Variants in PNPLA6 observed in about 807,000 individuals in gnomAD.
PNPLA6 encodes the protein patatin like domain 6, lysophospholipase.
In PNPLA6, 105 loss-of-function variants were observed where a neutral mutation model predicts 153.7. That is an observed-to-expected ratio of 0.68 (90% confidence interval 0.58 to 0.80). The LOEUF is 0.80. Ranked by LOEUF, PNPLA6 falls within the 30% of genes least tolerant of loss-of-function variation. PNPLA6 has a pLI of 0.00. For synonymous variants in PNPLA6, 825 were observed against 822.2 expected, an observed-to-expected ratio of 1.00 and a Z score of -0.06; for missense variants, 1,423 against 1,919.3, an observed-to-expected ratio of 0.74 and a Z score of 4.83.
chr19:7,551,588 C>A (rs661825), intron 18 of PNPLA6, 151 bp downstream of exon 18: 1 of 706,572 alleles, frequency 1.4e-6, no homozygotes, highest in South Asian at 1.5e-5. Flanking sequence ...AAGTAGGACC[C>A]AGGTGCAGAG....
intron 13 of PNPLA6, among the ~76,000 whole-genome samples, chr19:7,548,292 C>G (rs1599289248): frequency 6.6e-6 from 1 of 151,588 alleles, no homozygotes; most frequent in South Asian, 2.1e-4. Context: ...TGCAGTGAGC[C>G]GAGTTTGTAT....
chr19:7,549,865 G>A (rs761193310), intron 13 of PNPLA6, 42 bp from the exon 14 acceptor site: 3 of 1,591,420 alleles, frequency 1.9e-6, no homozygotes, highest in East Asian at 4.5e-5. Context: ...TGGGGTCCAC[G>A]CTGTCCGGGT....
Position 7,556,641 on chromosome 19 carries a change from C to T in PNPLA6, c.3211-14C>T. The T allele has an allele frequency of 4.3e-6, 7 of 1,610,982 alleles. No individual in the cohort carries two copies. Among genetic ancestry groups the T allele is most frequent in the African/African-American group, 1.3e-5 (1 of 74,966 alleles). ...CCCCCTGCTCCTCCCCCACCTCGAT[C>T]CCTGTCCCCGCAGGACCTGTGGCTG... On this transcript the variant is annotated splice_polypyrimidine_tract_variant and intron_variant, in intron 25 of 31. Transcript: ENST00000600737.
chr19:7,551,984 G>A (rs2023673368), intron 18 of PNPLA6, among the ~76,000 whole-genome samples: 1 of 152,116 alleles, frequency 6.6e-6, no homozygotes, highest in Non-Finnish European at 1.5e-5. Flanking sequence ...ACACATGCCT[G>A]TAGTCTCAGC....
At chr19:7,535,420 G>A, upstream of PNPLA6, 2 of 974,008 alleles carry the variant, frequency 2.1e-6, no homozygotes, top group Non-Finnish European at 3.2e-6. The surrounding 1 kb of genome is among the most constrained non-coding windows in gnomAD (Gnocchi z 5.0). Flanking sequence ...AGAGGGCAGG[G>A]CTTGAGCTGG....
intron 3 of PNPLA6, 101 bp from the exon 4 acceptor site, chr19:7,539,817 G>C: frequency 1.4e-5 from 10 of 717,448 alleles, no homozygotes; most frequent in Non-Finnish European, 2.3e-5. Context: ...GCCAGAGTTT[G>C]CTGTACATGA....
chr19:7,542,995 CT>C lies in PNPLA6; in HGVS notation c.1531-11del. ...CCTGGCTGCGCCCATCTCAACCCCC[CT>C]ACCTCCCCAGGACCCCTCCCTCCTG... On this transcript the variant is annotated splice_polypyrimidine_tract_variant and intron_variant, in intron 12 of 31. Transcript: ENST00000600737. 1 of 1,613,988 alleles carries C rather than the reference CT, an allele frequency of 6.2e-7. No individual in the cohort carries two copies. Among genetic ancestry groups the C allele is most frequent in the African/African-American group, 1.3e-5 (1 of 75,032 alleles).
In PNPLA6 at chr19:7,540,822, G is replaced by C. The variant is rs751346498; in HGVS notation, c.796-101G>C. On this transcript the variant is annotated intron_variant, in intron 6 of 31. Transcript: ENST00000600737. This position sits in a 1 kb window ranked among gnomAD's most constrained non-coding sequence, Gnocchi z 6.8. ...TCTCTGGTTCATCCGTTATGCTGCC[G>C]ATGGCCCCTCACGGGACTGGCGCCA... 1.3e-6 allele frequency: 2 copies of C among 1,565,596 alleles called. No homozygotes were observed. Among genetic ancestry groups the C allele is most frequent in the Admixed American group, 1.7e-5 (1 of 59,876 alleles).
intron 10 of PNPLA6, 60 bp downstream of exon 10, chr19:7,542,127 A>C (rs1599276693): frequency 7.5e-7 from 1 of 1,331,066 alleles, no homozygotes; most frequent in East Asian, 2.3e-5. Flanking sequence ...ATCCAGGTCC[A>C]CCGCCTGCCT....
Position 7,541,379 on chromosome 19 carries a change from T to G in PNPLA6, c.950T>G (p.Val317Gly). The change falls in exon 8 of 32, where the codon GTC becomes GGC. Residue 317 changes from valine (V) to glycine (G), a missense_variant. Coordinates refer to ENST00000600737, the MANE Select transcript of PNPLA6 (RefSeq NM_001166114.2). The surrounding 1 kb of genome is among the most constrained non-coding windows in gnomAD (Gnocchi z 5.2). ...ATCATCATGGTGCGGCTGCAGCGAG[T>G]CACCTTCCTGGCACTGCACAACTAC... ...VQIIMVRLQR[V>G]TFLALHNYLG... 6.2e-7 allele frequency: 1 copy of G among 1,613,630 alleles called. No individual in the cohort carries two copies. Among genetic ancestry groups the G allele is most frequent in the Non-Finnish European group, 8.5e-7 (1 of 1,179,896 alleles).
At chr19:7,542,729 G>C (rs761659681) in intron 11 of PNPLA6, 32 bp from the exon 12 acceptor site, 2 of 1,612,708 alleles carry the variant, frequency 1.2e-6, no homozygotes, top group Non-Finnish European at 1.7e-6. Context: ...CTGGGAGGGA[G>C]CATCAGGAGG....
chr19:7,550,661 C>G, intron 16 of PNPLA6, 21 bp downstream of exon 16: 1 of 1,609,150 alleles, frequency 6.2e-7, no homozygotes, highest in Non-Finnish European at 8.5e-7. Flanking sequence ...CCCCCACCCA[C>G]TGACCTCTGG....
In PNPLA6 at chr19:7,553,907, C is replaced by A. The variant is rs1374962353; in HGVS notation, c.2293C>A (p.Leu765Ile). 1.9e-6 allele frequency: 3 copies of A among 1,614,234 alleles called. No individual in the cohort carries two copies. The highest frequency in any genetic ancestry group is 3.3e-5 in the Admixed American group (2 of 60,030). ...SGLGVPPHSE[L>I]TNPASNLATV... is the part of the protein sequence containing the mutation. ...GTTGGGTGTGCCCCCACACTCGGAA[C>A]TCACCAACCCAGCCAGCAACCTGGC... The change falls in exon 19 of 32, where the codon CTC becomes ATC. Residue 765 changes from leucine (L) to isoleucine (I), a missense_variant. This residue lies in a region of PNPLA6 where 23 missense variants were observed against 21.2 expected (regional missense o/e 1.08). Transcript: ENST00000600737.
intron 18 of PNPLA6, among the ~76,000 whole-genome samples, chr19:7,552,426 G>A (rs186724249): frequency 8.7e-4 from 133 of 152,318 alleles, no homozygotes; most frequent in Non-Finnish European, 1.6e-3. Flanking sequence ...CCCCCAAGGC[G>A]GGGGCAGGGC....
In PNPLA6 at chr19:7,537,881, C is replaced by T. The variant is rs147018964; in HGVS notation, c.413+1335C>T. ...GGTCTCGATCTCTTGACCTTGTGAT[C>T]CGTCCGCCTCGGCCTCCTAAAGTGC... On this transcript the variant is annotated intron_variant, in intron 3 of 31. Transcript: ENST00000600737. Among the ~76,000 whole-genome samples the T allele has an allele frequency of 8.0e-3, 1,221 of 152,220 alleles. 7 individuals carry two copies. The highest frequency in any genetic ancestry group is 0.014 in the Non-Finnish European group (925 of 68,012).
At chr19:7,550,264 G>A (rs780252160) in intron 14 of PNPLA6, 34 bp from the exon 15 acceptor site, 2 of 1,612,742 alleles carry the variant, frequency 1.2e-6, no homozygotes, top group Non-Finnish European at 8.5e-7. Flanking sequence ...CGGTTTTGAG[G>A]CCTTCCTCTT....
At chr19:7,558,080 C>T (rs939014214) in intron 27 of PNPLA6, among the ~76,000 whole-genome samples, 3 of 152,220 alleles carry the variant, frequency 2.0e-5, no homozygotes, top group East Asian at 1.9e-4. Flanking sequence ...TTGTCCTGCA[C>T]GTTCCCTCAA....
At chr19:7,545,335 G>A (rs912298611) in intron 13 of PNPLA6, among the ~76,000 whole-genome samples, 1 of 152,108 alleles carries the variant, frequency 6.6e-6, no homozygotes, top group African/African-American at 2.4e-5. Flanking sequence ...CCACAGTCTG[G>A]AAATTCTGTC....
chr19:7,553,010 G>A (rs984537886), intron 18 of PNPLA6, among the ~76,000 whole-genome samples: 4 of 145,260 alleles, frequency 2.8e-5, no homozygotes, highest in Non-Finnish European at 6.0e-5. Context: ...GGAGGAAAGC[G>A]ATCAAGGGGA....
Sources: gnomAD v4.1 joint callset for allele counts (sites outside exome capture counted in the v4.1 genomes callset) on GRCh38, gnomAD v4.1.1 for gene constraint, gnomAD v4.1.1 regional missense constraint, Gnocchi (gnomAD v3.1) non-coding constraint, MANE v1.5 for transcripts, NCBI Gene and HGNC (gene_info 2026-07-23, HGNC 2026-07-21) for gene names.